LCP1: variants seen among roughly 807,000 people sequenced by gnomAD.
LCP1 encodes the protein lymphocyte cytosolic protein 1.
In LCP1, 23 loss-of-function variants were observed where a neutral mutation model predicts 72.0. The observed-to-expected ratio is 0.32, with a 90% CI of 0.23 to 0.45. LCP1 has a LOEUF of 0.45. LCP1 is among the 20% of genes least tolerant of loss of function. The pLI, the probability that LCP1 is intolerant of heterozygous loss-of-function variation, is 1.00. For missense variants in LCP1, 571 were observed against 748.3 expected, an observed-to-expected ratio of 0.76 and a Z score of 2.76; for synonymous variants, 245 against 275.4, an observed-to-expected ratio of 0.89 and a Z score of 1.09.
chr13:46,180,510 A>G (rs2045951205), intron 1 of LCP1, among the ~76,000 whole-genome samples: 1 of 152,246 alleles, frequency 6.6e-6, no homozygotes, highest in African/African-American at 2.4e-5. Context: ...AAATGCTACA[A>G]AGAAAAGGGT....
chr13:46,134,959 A>T (rs974755030), intron 13 of LCP1, among the ~76,000 whole-genome samples: 2 of 152,084 alleles, frequency 1.3e-5, no homozygotes, highest in Non-Finnish European at 2.9e-5. Flanking sequence ...CACACAAAAA[A>T]TTAGCTGGAC....
chr13:46,174,505 G>C (rs2045918715), intron 1 of LCP1, among the ~76,000 whole-genome samples: 1 of 152,078 alleles, frequency 6.6e-6, no homozygotes, highest in Admixed American at 6.6e-5. Context: ...TGGTATACCA[G>C]CCGACCTAAC....
At chr13:46,180,160 T>C (rs2045949561) in intron 1 of LCP1, among the ~76,000 whole-genome samples, 2 of 152,266 alleles carry the variant, frequency 1.3e-5, no homozygotes, top group Admixed American at 6.5e-5. Context: ...ATCCTGGCCA[T>C]CTACTGCCCC....
intron 7 of LCP1, among the ~76,000 whole-genome samples, chr13:46,151,619 A>G (rs2045764689): frequency 6.6e-6 from 1 of 152,192 alleles, no homozygotes; most frequent in Admixed American, 6.5e-5. Context: ...AATTTAGCTG[A>G]GGTCATTATT....
intron 1 of LCP1, among the ~76,000 whole-genome samples, chr13:46,163,450 G>A (rs1357969594): frequency 2.0e-5 from 3 of 152,064 alleles, no homozygotes; most frequent in African/African-American, 4.8e-5. Context: ...TGCTCGTTAA[G>A]AGTCATCACC....
At chr13:46,144,224 A>C (rs1190249664) in intron 11 of LCP1, among the ~76,000 whole-genome samples, 1 of 152,134 alleles carries the variant, frequency 6.6e-6, no homozygotes, top group East Asian at 1.9e-4. Context: ...CATTTTGTTG[A>C]GGTATGATTT....
rs58990974 is a variant in LCP1, at chr13:46,176,875, T to TTGTGTGTG, written c.-25+5228_-25+5235dup. Among the ~76,000 whole-genome samples the TTGTGTGTG allele has an allele frequency of 7.6e-3, 1,089 of 143,840 alleles. 8 individuals are homozygous for TTGTGTGTG. The highest frequency in any genetic ancestry group is 0.025 in the African/African-American group (1,015 of 40,162). The allele number at this position is 143,840 out of a possible 152,430, so 94.4% of individuals were successfully genotyped here. A position where few individuals can be genotyped will look rare whatever the true frequency, so the allele number is the denominator to read the frequency against. On this transcript the variant is annotated intron_variant, in intron 1 of 15. Coordinates refer to ENST00000323076, the MANE Select transcript of LCP1 (RefSeq NM_002298.5). ...TGTGTTTCCGTGTATGTGTGTTTATTTGTGTGTGTGTGTGTGTGTGTGTGT... is the reference window on the plus strand; with the variant it reads ...TGTGTTTCCGTGTATGTGTGTTTATTTGTGTGTGTGTGTGTGTGTGTGTGTGTGTGTGT...
chr13:46,159,777 GA>G, intron 1 of LCP1, 91 bp from the exon 2 acceptor site: 1 of 744,574 alleles, frequency 1.3e-6, no homozygotes, highest in Non-Finnish European at 2.3e-6. Flanking sequence ...ATTACATGAA[GA>G]AATATTCTTC....
intron 7 of LCP1, among the ~76,000 whole-genome samples, chr13:46,152,090 A>G (rs527800118): frequency 1.0e-4 from 16 of 152,386 alleles, no homozygotes; most frequent in African/African-American, 3.8e-4. Flanking sequence ...CTTGGTAGAC[A>G]CATACACAGT....
chr13:46,136,497 A>G (rs2045666118), intron 13 of LCP1, among the ~76,000 whole-genome samples: 1 of 152,102 alleles, frequency 6.6e-6, no homozygotes, highest in African/African-American at 2.4e-5. Context: ...TCTCCCAGGG[A>G]AAGCAAGGGG....
At chr13:46,137,494 C>T (rs867901206) in intron 13 of LCP1, among the ~76,000 whole-genome samples, 3 of 152,106 alleles carry the variant, frequency 2.0e-5, no homozygotes, top group Middle Eastern at 3.4e-3. Context: ...GAGCTGAGAT[C>T]GCACCATTGC....
chr13:46,141,384 C>T (rs1262931069), intron 13 of LCP1, among the ~76,000 whole-genome samples: 29 of 114,788 alleles, frequency 2.5e-4, no homozygotes, highest in East Asian at 1.0e-3. Flanking sequence ...CCAGTCTGGG[C>T]GACAGAGCAA....
intron 10 of LCP1, among the ~76,000 whole-genome samples, chr13:46,146,146 G>A (rs1361942170): frequency 6.6e-6 from 1 of 152,102 alleles, no homozygotes; most frequent in Admixed American, 6.6e-5. Flanking sequence ...ACAACCCCCT[G>A]ACCATAATTC....
At chr13:46,159,384 T>C in intron 2 of LCP1, 1 of 572,856 alleles carries the variant, frequency 1.7e-6, no homozygotes, top group South Asian at 2.2e-5. Flanking sequence ...GAACAAACTA[T>C]GTAAGAGTAG....
At chr13:46,172,219 C>T (rs2045907937) in intron 1 of LCP1, among the ~76,000 whole-genome samples, 1 of 152,212 alleles carries the variant, frequency 6.6e-6, no homozygotes, top group African/African-American at 2.4e-5. Flanking sequence ...CATGGTGGCT[C>T]ACGCCTGTAA....
chr13:46,162,913 G>A lies in LCP1; in HGVS notation c.-24-3227C>T, dbSNP rs1198864717. Among the ~76,000 whole-genome samples, 9 of 149,252 alleles carry A rather than the reference G, an allele frequency of 6.0e-5. No individual in the cohort carries two copies. In the East Asian group the frequency reaches 9.9e-4, roughly 16 times the overall value. On this transcript the variant is annotated intron_variant, in intron 1 of 15. Coordinates refer to ENST00000323076, the MANE Select transcript of LCP1 (RefSeq NM_002298.5). ...TGAGGAGCCCCTCCGCCCGGCAGCC[G>A]CCCTGTCTGAAAAGTGAGGCGCCCC...
intron 1 of LCP1, among the ~76,000 whole-genome samples, 168 bp from the exon 2 acceptor site, chr13:46,159,854 C>T (rs561409212): frequency 7.5e-4 from 114 of 152,280 alleles, no homozygotes; most frequent in African/African-American, 2.5e-3. Flanking sequence ...TTTCTCAATC[C>T]TCCATGTGGT....
chr13:46,146,814 A>G (rs1382287053), intron 10 of LCP1, 94 bp downstream of exon 10: 6 of 1,231,164 alleles, frequency 4.9e-6, no homozygotes, highest in Non-Finnish European at 7.2e-6. Context: ...GCACATGTAA[A>G]TAGTTTATAT....
rs551083568 is a variant in LCP1 at position 46,174,073 on chromosome 13, AT to A, written c.-25+8037del. 3.5e-3 allele frequency among the ~76,000 whole-genome samples: 527 copies of A among 152,318 alleles called. 1 individual carries two copies. The highest frequency in any genetic ancestry group is 0.012 in the African/African-American group (508 of 41,564). On this transcript the variant is annotated intron_variant, in intron 1 of 15. Transcript: ENST00000323076. Reference sequence around the variant, plus strand: ...CTCTAATTCTCCAGGCATTTTTACCATTGTAGTCTGAGCTGAAAAACAGTGA... The same window carrying A: ...CTCTAATTCTCCAGGCATTTTTACCATGTAGTCTGAGCTGAAAAACAGTGA...
Sources: allele counts gnomAD v4.1 joint callset (sites outside exome capture counted in the v4.1 genomes callset), GRCh38; gene constraint gnomAD v4.1.1; transcripts MANE v1.5; gene names NCBI Gene and HGNC (gene_info 2026-07-23, HGNC 2026-07-21).